The following THAP5 variants were observed in gnomAD, a reference collection of about 807,000 sequenced individuals.
The protein encoded by THAP5 is THAP domain containing 5, also known as THAP domain-containing protein 5.
A neutral mutation model predicts 34.0 loss-of-function variants in THAP5; 26 were observed. The observed-to-expected ratio is 0.77, with a 90% CI of 0.56 to 1.06. The LOEUF (loss-of-function observed/expected upper bound fraction) is 1.06, where lower values mean the gene tolerates loss of function less well. Among genes scored for constraint, THAP5 ranks in the 50% least tolerant of loss-of-function variants. THAP5 has a pLI of 0.00. For missense variants in THAP5, 394 were observed against 452.8 expected (o/e 0.87, Z 1.18); for synonymous variants, 125 against 153.0 (o/e 0.82, Z 1.35).
At chr7:108,553,479 A>G (rs925355097), downstream of THAP5, among the ~76,000 whole-genome samples, 1 of 152,050 alleles carries the variant, frequency 6.6e-6, no homozygotes, top group African/African-American at 2.4e-5. Flanking sequence ...CTGTCCAGGA[A>G]CCTTTATTTG....
chr7:108,566,804 G>A lies in THAP5; in HGVS notation c.81-782C>T, dbSNP rs148485232. 1.5e-3 allele frequency among the ~76,000 whole-genome samples: 236 copies of A among 152,292 alleles called. 1 individual carries two copies. The highest frequency in any genetic ancestry group is 5.7e-3 in the African/African-American group (235 of 41,568). ...TACCTGACAATAACCTGGATTTAAAGTTGGTGCTAACATTACAGTGTATGG... is the reference window on the plus strand; with the variant it reads ...TACCTGACAATAACCTGGATTTAAAATTGGTGCTAACATTACAGTGTATGG... On this transcript the variant is annotated intron_variant, in intron 1 of 2. Coordinates refer to ENST00000415914, the MANE Select transcript of THAP5 (RefSeq NM_001130475.3).
At chr7:108,560,944 G>A (rs986860978), downstream of THAP5, among the ~76,000 whole-genome samples, 5 of 152,158 alleles carry the variant, frequency 3.3e-5, no homozygotes, top group Admixed American at 1.3e-4. Flanking sequence ...ATGTTGCCCA[G>A]GCTGGTCTCA....
rs1383030431 is a variant in THAP5 at position 108,564,184 on chromosome 7, A to T, written c.*7T>A. 28 of 1,546,862 alleles carry T rather than the reference A, an allele frequency of 1.8e-5. No individual in the cohort carries two copies. Among genetic ancestry groups the T allele is most frequent in the African/African-American group, 2.8e-5 (2 of 72,042 alleles). On this transcript the variant is annotated 3_prime_UTR_variant, in exon 3 of 3. Transcript: ENST00000415914. The stretch of plus-strand genomic sequence containing the variant: ...TTTAACAGCCATAGTTTTAAAACCT[A>T]GTTATTCTATATCATAGTGACTTCA...
downstream of THAP5, among the ~76,000 whole-genome samples, chr7:108,552,538 G>T (rs367652185): frequency 6.6e-6 from 1 of 152,186 alleles, no homozygotes; most frequent in Non-Finnish European, 1.5e-5. Flanking sequence ...GGTGGCTCAC[G>T]CCTGTAATCC....
rs1390797867 is a variant in THAP5, at chr7:108,555,968, G to A, written n.109-1109C>T. Among the ~76,000 whole-genome samples, 4 of 152,144 alleles carry A rather than the reference G, an allele frequency of 2.6e-5. No homozygotes were observed. In the East Asian group the frequency reaches 5.8e-4, roughly 22 times the overall value. On this transcript the variant is annotated intron_variant and non_coding_transcript_variant, in intron 1 of 1. Coordinates refer to the THAP5 transcript ENST00000468884. ...TGCACCTGCCTCAGCCTCCCAAAGT[G>A]CTGGGATTACAGGCATGGGCCACTG... is the stretch of plus-strand genomic sequence containing the variant.
downstream of THAP5, among the ~76,000 whole-genome samples, chr7:108,552,708 G>A (rs1374391553): frequency 6.6e-6 from 1 of 152,200 alleles, no homozygotes; most frequent in Non-Finnish European, 1.5e-5. Context: ...GCTGAGGCAG[G>A]AGAATTGCTT....
chr7:108,557,112 G>T (rs975761167), intron 1 of THAP5, among the ~76,000 whole-genome samples: 1 of 152,230 alleles, frequency 6.6e-6, no homozygotes, highest in Non-Finnish European at 1.5e-5. Context: ...CCATGTCCCA[G>T]GGCTGTGGGC....
chr7:108,544,244 G>T, the THAP5 span, among the ~76,000 whole-genome samples: 1 of 151,998 alleles, frequency 6.6e-6, no homozygotes, highest in Non-Finnish European at 1.5e-5. Context: ...GAAGGACATT[G>T]GGCCAGGGAC....
At chr7:108,565,238 A>G in intron 2 of THAP5, 133 bp from the exon 3 acceptor site, 1 of 644,034 alleles carries the variant, frequency 1.6e-6, no homozygotes, top group Non-Finnish European at 2.5e-6. Context: ...CTCAGAGTAT[A>G]TATACCTTAA....
downstream of THAP5, among the ~76,000 whole-genome samples, chr7:108,559,717 G>A (rs1404036816): frequency 1.3e-5 from 2 of 152,150 alleles, no homozygotes; most frequent in African/African-American, 2.4e-5. Flanking sequence ...TACAATCATA[G>A]CATAAGGGGA....
downstream of THAP5, among the ~76,000 whole-genome samples, chr7:108,550,273 CT>C (rs1225640781): frequency 1.3e-5 from 2 of 152,136 alleles, no homozygotes. Context: ...CCCTTTGTGT[CT>C]TTTTTTCTTC....
At chr7:108,553,705 G>A (rs551740376), downstream of THAP5, among the ~76,000 whole-genome samples, 11 of 152,240 alleles carry the variant, frequency 7.2e-5, no homozygotes, top group East Asian at 5.8e-4. Context: ...GCTCCTGCTC[G>A]TAGTAGTGGC....
downstream of THAP5, among the ~76,000 whole-genome samples, chr7:108,561,430 AT>A (rs372485775): frequency 0.046 from 5,948 of 127,934 alleles, 319 homozygotes; most frequent in African/African-American, 0.14. Context: ...TGCCTGGCTG[AT>A]TTTTTTTTTT....
chr7:108,561,648 C>A (rs551686865), downstream of THAP5, among the ~76,000 whole-genome samples: 73 of 151,966 alleles, frequency 4.8e-4, 3 homozygotes, highest in South Asian at 0.014. Context: ...GAAGGAGAGG[C>A]AGGAAAGGAA....
the THAP5 span, among the ~76,000 whole-genome samples, chr7:108,542,923 ATTTAT>A: frequency 4.0e-5 from 6 of 148,780 alleles, no homozygotes; most frequent in East Asian, 2.0e-4. Flanking sequence ...TTTAAATTTA[ATTTAT>A]TTTATTTTAT....
chr7:108,550,051 A>G (rs1864344020), downstream of THAP5, among the ~76,000 whole-genome samples: 1 of 152,176 alleles, frequency 6.6e-6, no homozygotes, highest in South Asian at 2.1e-4. Flanking sequence ...CAGAAGATAA[A>G]CAGTTTTTTT....
the THAP5 span, among the ~76,000 whole-genome samples, chr7:108,544,541 C>A: frequency 2.0e-5 from 3 of 149,576 alleles, no homozygotes; most frequent in Admixed American, 6.7e-5. Context: ...AAAAAAAAAA[C>A]AAAAACAAAA....
Position 108,565,973 on chromosome 7 carries a change from T to A in THAP5, c.130A>T (p.Lys44Ter). ...ERLEKWLKNM[K>*]RDSWVPSKYQ... The stretch of plus-strand genomic sequence containing the variant: ...TTACTGGGAACCCATGAATCTCGCT[T>A]CATATTCTTTAACCACTTTTCCAGT... Residue 44 changes from lysine to a stop codon, truncating the protein, a stop_gained, in exon 2 of 3, where the codon AAG becomes TAG. Coordinates refer to ENST00000415914, the MANE Select transcript of THAP5 (RefSeq NM_001130475.3). LOFTEE classifies it high-confidence loss of function. The A allele has an allele frequency of 6.5e-7, 1 of 1,548,952 alleles. No individual in the cohort carries two copies. The highest frequency in any genetic ancestry group is 8.7e-7 in the Non-Finnish European group (1 of 1,146,126).
intron 2 of THAP5, 95 bp from the exon 3 acceptor site, chr7:108,565,200 C>A: frequency 1.0e-6 from 1 of 969,630 alleles, no homozygotes; most frequent in Non-Finnish European, 1.5e-6. Context: ...GTACACTGGC[C>A]AAGCAAATTT....
Sources: allele counts gnomAD v4.1 joint callset (sites outside exome capture counted in the v4.1 genomes callset), GRCh38; gene constraint gnomAD v4.1.1; transcripts MANE v1.5; gene names NCBI Gene and HGNC (gene_info 2026-07-23, HGNC 2026-07-21).